Variants in SETX observed in about 807,000 individuals in gnomAD.
SETX encodes the protein senataxin.
SETX carries 90 observed loss-of-function variants against 227.2 expected under a neutral mutation model. The ratio of observed to expected loss-of-function variants is 0.40; its 90% confidence interval spans 0.33 to 0.47. The LOEUF (loss-of-function observed/expected upper bound fraction) is 0.47. Among genes scored for constraint, SETX ranks in the 20% least tolerant of loss-of-function variants. The pLI, the probability that SETX is intolerant of heterozygous loss-of-function variation, is 0.91. For missense variants in SETX, 3,052 were observed against 3,181.5 expected (o/e 0.96, Z 0.98); for synonymous variants, 1,210 against 1,113.2 (o/e 1.09, Z -1.73).
Position 132,261,969 on chromosome 9 carries a change from G to A in SETX, c.*2270C>T, listed in dbSNP as rs1405355786. ...TGACAGCCACATCAGGAGGGGCCAC[G>A]GTGAACATAGGAAATGGCTTTGGCA... is the stretch of plus-strand genomic sequence containing the variant. On this transcript the variant is annotated 3_prime_UTR_variant, in exon 26 of 26. Transcript: ENST00000224140. The A allele has an allele frequency of 1.3e-5, 2 of 154,430 alleles. No homozygotes were observed. Among genetic ancestry groups the A allele is most frequent in the Non-Finnish European group, 2.9e-5 (2 of 68,234 alleles). 9.6% of individuals were successfully genotyped at this position (154,430 alleles called of 1,614,324 possible).
intron 11 of SETX, among the ~76,000 whole-genome samples, chr9:132,302,680 G>GAA (rs1564510211): frequency 8.3e-5 from 3 of 36,172 alleles, no homozygotes; most frequent in Admixed American, 2.6e-4. Flanking sequence ...AAAAAAAAAA[G>GAA]CAAAAAAAAA....
Position 132,328,007 on chromosome 9 carries a change from A to G in SETX, c.3591T>C (p.Asp1197=). 1 of 1,613,902 alleles carries G rather than the reference A, an allele frequency of 6.2e-7. No homozygotes were observed. Among genetic ancestry groups the G allele is most frequent in the Non-Finnish European group, 8.5e-7 (1 of 1,179,964 alleles). Reference sequence around the variant, plus strand: ...AAGTCCTTCTATCAATACTTTTAAAATCATTTCCCACAAGATCTCTCTTAT... The same window carrying G: ...AAGTCCTTCTATCAATACTTTTAAAGTCATTTCCCACAAGATCTCTCTTAT... ...DTNKRDLVGN[D]FKSIDRRTST... is the part of the protein sequence containing the mutation. Residue 1197 remains aspartate, a synonymous_variant, in exon 10 of 26, where the codon GAT becomes GAC. Transcript: ENST00000224140.
At chr9:132,323,991 G>A (rs1460656181) in intron 10 of SETX, among the ~76,000 whole-genome samples, 1 of 151,966 alleles carries the variant, frequency 6.6e-6, no homozygotes, top group Non-Finnish European at 1.5e-5. Flanking sequence ...GGGATGAGGG[G>A]TGCCTGATGT....
chr9:132,328,245 G>A lies in SETX; in HGVS notation c.3353C>T (p.Thr1118Ile), dbSNP rs745933371. Residue 1118 changes from threonine to isoleucine, a missense_variant, in exon 10 of 26, where the codon ACA becomes ATA. By Grantham distance (89) the Thr-to-Ile change is moderately conservative. Transcript: ENST00000224140. The part of the protein sequence containing the change: ...KKCLAPIANT[T>I]NGQGCTDYVS... ...ATAATCTGTACAACCCTGACCATTT[G>A]TAGTATTGGCTATAGGAGCCAAACA... 3 of 1,613,934 alleles carry A rather than the reference G, an allele frequency of 1.9e-6. No individual in the cohort carries two copies. Among genetic ancestry groups the A allele is most frequent in the East Asian group, 2.2e-5 (1 of 44,888 alleles).
At chr9:132,332,660 C>A (rs1031864445) in intron 7 of SETX, among the ~76,000 whole-genome samples, 1 of 152,166 alleles carries the variant, frequency 6.6e-6, no homozygotes, top group South Asian at 2.1e-4. Flanking sequence ...GTGGCTCACA[C>A]CAGTAAATCC....
rs762171056 is a variant in SETX, at chr9:132,328,043, C to T, written c.3555G>A (p.Gln1185=). ...CAAGATCTCTCTTATTAGTATCAGA[C>T]TGGCCCTCATTTCTGACAGAAGATG... ...RPSSSVRNEG[Q]SDTNKRDLVG... is the part of the protein sequence containing the mutation. The change falls in exon 10 of 26, where the codon CAG becomes CAA. Residue 1185 remains glutamine, a synonymous_variant. Transcript: ENST00000224140. The T allele has an allele frequency of 6.2e-5, 100 of 1,614,058 alleles. No homozygotes were observed. The South Asian group carries it at 1.0e-3, about 16-fold the overall frequency.
At chr9:132,288,485 G>GCC (rs1232073591) in intron 16 of SETX, 65 bp downstream of exon 16, 1 of 1,458,916 alleles carries the variant, frequency 6.9e-7, no homozygotes, top group African/African-American at 1.4e-5. Context: ...TACCTTTAGT[G>GCC]CCCAAGTCAT....
chr9:132,315,530 T>G lies in SETX; in HGVS notation c.5275-3674A>C, dbSNP rs77896509. Among the ~76,000 whole-genome samples, 290 of 152,316 alleles carry G rather than the reference T, an allele frequency of 1.9e-3. 1 individual carries two copies. Among genetic ancestry groups the G allele is most frequent in the Non-Finnish European group, 3.0e-3 (205 of 68,020 alleles). Reference sequence around the variant, plus strand: ...ATCAGCATACACACTGAATTCGCTCTAAGAACACTCTGCCACCAATAAACA... The same window carrying G: ...ATCAGCATACACACTGAATTCGCTCGAAGAACACTCTGCCACCAATAAACA... On this transcript the variant is annotated intron_variant, in intron 10 of 25. Coordinates refer to ENST00000224140, the MANE Select transcript of SETX (RefSeq NM_015046.7).
intron 15 of SETX, among the ~76,000 whole-genome samples, chr9:132,290,853 T>C (rs1844254135): frequency 6.6e-6 from 1 of 151,956 alleles, no homozygotes; most frequent in South Asian, 2.1e-4. Context: ...AATAAATAAA[T>C]AAATAAATAA....
At chr9:132,296,327 C>A (rs1444429674) in intron 14 of SETX, among the ~76,000 whole-genome samples, 1 of 152,038 alleles carries the variant, frequency 6.6e-6, no homozygotes, top group African/African-American at 2.4e-5. Context: ...CCGAGGCGGG[C>A]GGATCACTTG....
intron 11 of SETX, among the ~76,000 whole-genome samples, chr9:132,310,183 A>G (rs959815130): frequency 4.6e-5 from 7 of 152,226 alleles, no homozygotes; most frequent in Non-Finnish European, 1.0e-4. Flanking sequence ...AATCTCCCTA[A>G]TGAGGACATT....
At chr9:132,296,066 A>G in intron 14 of SETX, 38 bp from the exon 15 acceptor site, 1 of 1,612,532 alleles carries the variant, frequency 6.2e-7, no homozygotes, top group Admixed American at 1.7e-5. Context: ...ACAAACACAC[A>G]AAAAATATGG....
chr9:132,323,243 T>C (rs545457386), intron 10 of SETX, among the ~76,000 whole-genome samples: 2 of 152,182 alleles, frequency 1.3e-5, no homozygotes, highest in East Asian at 3.9e-4. Context: ...AATTTATAGA[T>C]TAACTAACGT....
At chr9:132,337,542 AT>A (rs1039672190) in intron 5 of SETX, among the ~76,000 whole-genome samples, 1 of 152,316 alleles carries the variant, frequency 6.6e-6, no homozygotes, top group East Asian at 1.9e-4. Context: ...CAAGGAAAAC[AT>A]TTTTTACTAC....
rs751451749 is a variant in SETX, at chr9:132,264,765, G to C, written c.7508C>G (p.Ser2503Cys). The change falls in exon 26 of 26, where the codon TCT becomes TGT. Residue 2503 changes from serine to cysteine, a missense_variant. Ser to Cys is a moderately radical substitution (Grantham distance 112, BLOSUM62 -1). This residue lies in a region of SETX where 294 missense variants were observed against 278.8 expected (regional missense o/e 1.05). Coordinates refer to ENST00000224140, the MANE Select transcript of SETX (RefSeq NM_015046.7). Reference sequence around the variant, plus strand: ...TGTGTGGTATAGAGAAGCAGCAACAGATGTCTTGGCAAATCCACTGTCTAG... The same window carrying C: ...TGTGTGGTATAGAGAAGCAGCAACACATGTCTTGGCAAATCCACTGTCTAG... ...SKLDSGFAKT[S>C]VAASLYHTPS... The C allele has an allele frequency of 1.4e-5, 23 of 1,614,096 alleles. No individual in the cohort carries two copies. In the South Asian group the frequency reaches 2.4e-4, roughly 17 times the overall value.
intron 1 of SETX, among the ~76,000 whole-genome samples, chr9:132,354,495 C>CAAAAAAAAAAAAAAA (rs11316762): frequency 1.2e-5 from 1 of 85,528 alleles, no homozygotes; most frequent in African/African-American, 4.7e-5. Context: ...GACCCCGTCT[C>CAAAAAAAAAAAAAAA]AAAAAAAAAA....
chr9:132,312,521 A>G (rs1845722678), intron 10 of SETX, among the ~76,000 whole-genome samples: 1 of 150,268 alleles, frequency 6.7e-6, no homozygotes, highest in South Asian at 2.1e-4. Context: ...TGTAACAGTT[A>G]GTCATTAAGT....
chr9:132,337,595 T>TA (rs1399123843), intron 5 of SETX, among the ~76,000 whole-genome samples: 1 of 152,148 alleles, frequency 6.6e-6, no homozygotes, highest in Non-Finnish European at 1.5e-5. Context: ...ACCCCACAGG[T>TA]AAAAGCATGA....
rs1048196130 is a variant in SETX, at chr9:132,323,255, C to T, written c.5274+3069G>A. Among the ~76,000 whole-genome samples the T allele has an allele frequency of 3.3e-5, 5 of 152,048 alleles. No individual in the cohort carries two copies. In the East Asian group the frequency reaches 9.6e-4, roughly 29 times the overall value. On this transcript the variant is annotated intron_variant, in intron 10 of 25. Transcript: ENST00000224140. ...ACAAATTTATAGATTAACTAACGTA[C>T]CTGATCATGAGCGATTTAAACATTC...
Sources: allele counts gnomAD v4.1 joint callset (sites outside exome capture counted in the v4.1 genomes callset), GRCh38; gene constraint gnomAD v4.1.1; regional missense constraint gnomAD v4.1.1; transcripts MANE v1.5; gene names NCBI Gene and HGNC (gene_info 2026-07-23, HGNC 2026-07-21).